GPHN: variants seen among roughly 807,000 people sequenced by gnomAD.
The protein encoded by GPHN is gephyrin.
Under a neutral mutation model 95.5 loss-of-function variants are expected in GPHN, and 17 were observed. That is an observed-to-expected ratio of 0.18 (90% CI 0.12 to 0.27). The LOEUF (loss-of-function observed/expected upper bound fraction) is 0.27, where lower values mean the gene tolerates loss of function less well. GPHN is among the 10% of genes least tolerant of loss of function. GPHN has a pLI of 1.00. For synonymous variants in GPHN, 320 were observed against 322.5 expected (o/e 0.99, Z 0.08); for missense variants, 660 against 978.1 (o/e 0.67, Z 4.34).
intron 2 of GPHN, chr14:66,760,923 C>T: frequency 1.1e-6 from 1 of 946,412 alleles, no homozygotes. Flanking sequence ...AAACATCCAT[C>T]TTATCCGAGC....
At chr14:66,524,431 A>T (rs1242556336) in intron 1 of GPHN, among the ~76,000 whole-genome samples, 1 of 152,200 alleles carries the variant, frequency 6.6e-6, no homozygotes, top group African/African-American at 2.4e-5. Context: ...AAGAGAATCT[A>T]TCAAATTTAG....
chr14:66,867,814 A>C (rs2063285854), intron 4 of GPHN, among the ~76,000 whole-genome samples: 1 of 152,232 alleles, frequency 6.6e-6, no homozygotes, highest in South Asian at 2.1e-4. Context: ...AGATAAGACC[A>C]AATGGTACAT....
chr14:67,571,986 C>T, the GPHN span: 1 of 1,509,308 alleles, frequency 6.6e-7, no homozygotes, highest in African/African-American at 1.4e-5. Flanking sequence ...TGGGCGTCCC[C>T]ACTTGATCTG....
At chr14:67,544,552 A>T in the GPHN span, among the ~76,000 whole-genome samples, 2 of 152,260 alleles carry the variant, frequency 1.3e-5, no homozygotes, top group African/African-American at 4.8e-5. Flanking sequence ...TAGATCCCCA[A>T]CAACTTCTAA....
intron 9 of GPHN, among the ~76,000 whole-genome samples, chr14:66,983,686 A>G (rs946853611): frequency 6.6e-6 from 1 of 152,184 alleles, no homozygotes; most frequent in Non-Finnish European, 1.5e-5. Flanking sequence ...CTTATAATCT[A>G]GTTTTTACAT....
At chr14:66,673,433 C>T (rs1042581878) in intron 1 of GPHN, among the ~76,000 whole-genome samples, 4 of 152,112 alleles carry the variant, frequency 2.6e-5, no homozygotes, top group African/African-American at 9.7e-5. Flanking sequence ...TTTTAATACA[C>T]GTTTCAACTA....
the GPHN span, chr14:67,562,796 G>C: frequency 6.2e-7 from 1 of 1,613,808 alleles, no homozygotes. Flanking sequence ...AGGGAAGAAT[G>C]AGGAAAGAGA....
chr14:67,443,396 A>T, the GPHN span, among the ~76,000 whole-genome samples: 6 of 152,254 alleles, frequency 3.9e-5, no homozygotes, highest in African/African-American at 1.2e-4. Context: ...TTTGCCCCAC[A>T]ACCTTTTTAA....
intron 10 of GPHN, among the ~76,000 whole-genome samples, chr14:67,046,672 G>A (rs529268305): frequency 3.1e-4 from 47 of 152,230 alleles, no homozygotes; most frequent in African/African-American, 1.1e-3. Flanking sequence ...TTTCAGCTAT[G>A]CTTTTTTGGT....
chr14:67,687,466 CCTTT>C, the GPHN span, among the ~76,000 whole-genome samples: 20 of 116,704 alleles, frequency 1.7e-4, no homozygotes, highest in Admixed American at 4.2e-4. Flanking sequence ...CCTCCATATT[CCTTT>C]TTTTTTTTTT....
intron 1 of GPHN, among the ~76,000 whole-genome samples, chr14:66,668,627 A>G (rs1199533692): frequency 6.6e-6 from 1 of 152,138 alleles, no homozygotes; most frequent in Non-Finnish European, 1.5e-5. Flanking sequence ...ACCAGGGCCT[A>G]CTTGAGGGTA....
chr14:67,545,940 GC>G, the GPHN span, among the ~76,000 whole-genome samples: 2 of 149,484 alleles, frequency 1.3e-5, no homozygotes, highest in Non-Finnish European at 3.0e-5. Flanking sequence ...CAAAAGCTCT[GC>G]TGCTAAAAAA....
the GPHN span, chr14:67,651,323 T>C: frequency 6.2e-7 from 1 of 1,610,530 alleles, no homozygotes; most frequent in Non-Finnish European, 8.5e-7. Flanking sequence ...TCTATCCACA[T>C]CCCTAACATC....
rs1351851537 is a variant in GPHN at position 67,144,251 on chromosome 14, ATATATATATATATATATATAT to A, written c.1836+803_1836+823del. Among the ~76,000 whole-genome samples, 2 of 41,266 alleles carry A rather than the reference ATATATATATATATATATATAT, an allele frequency of 4.8e-5. 1 individual carries two copies. The highest frequency in any genetic ancestry group is 1.4e-3 in the East Asian group (2 of 1,380). The allele number at this position is 41,266 out of a possible 152,430, so 27.1% of individuals were successfully genotyped here. On this transcript the variant is annotated intron_variant, in intron 18 of 22. Coordinates refer to ENST00000478722, the MANE Select transcript of GPHN (RefSeq NM_020806.5). Reference sequence around the variant, plus strand: ...GACCCTGTCTTAAAAAAAAAAAAAAATATATATATATATATATATATATATATATATATATACACACACACA... The same window carrying A: ...GACCCTGTCTTAAAAAAAAAAAAAAAATATATATATATATACACACACACA...
chr14:66,939,178 A>G (rs537138257), intron 8 of GPHN, among the ~76,000 whole-genome samples: 2 of 152,186 alleles, frequency 1.3e-5, no homozygotes, highest in African/African-American at 4.8e-5. Context: ...AAAGTACACA[A>G]ATTAGACTGC....
chr14:67,475,019 G>A, the GPHN span, among the ~76,000 whole-genome samples: 1 of 150,038 alleles, frequency 6.7e-6, no homozygotes, highest in South Asian at 2.1e-4. Flanking sequence ...GGGTTCAAGC[G>A]ATTCTCCTGT....
intron 4 of GPHN, among the ~76,000 whole-genome samples, chr14:66,850,229 C>T (rs1465057741): frequency 5.3e-5 from 8 of 152,050 alleles, no homozygotes; most frequent in Non-Finnish European, 8.8e-5. Context: ...TATTAGCAGT[C>T]ATTTTAAAAA....
At chr14:66,951,508 T>C in intron 8 of GPHN, among the ~76,000 whole-genome samples, 1 of 134,460 alleles carries the variant, frequency 7.4e-6, no homozygotes, top group Non-Finnish European at 1.6e-5. Context: ...GAACAAAACT[T>C]CATCTCAAAA....
At chr14:66,594,613 C>T (rs2061894953) in intron 1 of GPHN, among the ~76,000 whole-genome samples, 1 of 152,100 alleles carries the variant, frequency 6.6e-6, no homozygotes, top group African/African-American at 2.4e-5. Context: ...TGGGTGTTCA[C>T]TTGCAGAAGA....
Sources: gnomAD v4.1 joint callset for allele counts (sites outside exome capture counted in the v4.1 genomes callset) on GRCh38, gnomAD v4.1.1 for gene constraint, MANE v1.5 for transcripts, NCBI Gene and HGNC (gene_info 2026-07-23, HGNC 2026-07-21) for gene names.